NISCH: variants seen among roughly 807,000 people sequenced by gnomAD.
NISCH encodes the protein I-1 receptor candidate protein.
NISCH carries 55 observed loss-of-function variants against 138.4 expected under a neutral mutation model. That is an observed-to-expected ratio of 0.40 (90% CI 0.32 to 0.50). NISCH has a LOEUF of 0.50. Among genes scored for constraint, NISCH ranks in the 20% least tolerant of loss-of-function variants. The probability of loss-of-function intolerance (pLI) is 0.71; values close to 1 mark genes in which losing one functional copy is unlikely to be tolerated. For synonymous variants in NISCH, 860 were observed against 861.5 expected (o/e 1.00, Z 0.03); for missense variants, 1,643 against 2,005.5 (o/e 0.82, Z 3.45).
chr3:52,484,462 T>TTGGGGGCCCCCC, intron 13 of NISCH, 51 bp from the exon 14 acceptor site: 5 of 788,670 alleles, frequency 6.3e-6, no homozygotes, highest in Non-Finnish European at 7.3e-6. Context: ...ACAGCCGCTC[T>TTGGGGGCCCCCC]CCCCGCCCCA....
At position 52,473,585 on chromosome 3, in the gene NISCH, A is replaced by G. The variant is rs191032323; in HGVS notation, c.670-149A>G. ...GGTCGGCACTGACACTGGGAAAAAG[A>G]GACACTTTGGTCTTGAGTGGCCTCC... On this transcript the variant is annotated intron_variant, in intron 6 of 20. Coordinates refer to ENST00000345716, the MANE Select transcript of NISCH (RefSeq NM_007184.4). 3 of 530,620 alleles carry G rather than the reference A, an allele frequency of 5.7e-6. No individual in the cohort carries two copies. In the African/African-American group the frequency reaches 5.7e-5, roughly 10 times the overall value. The allele number at this position is 530,620 out of a possible 1,614,324, so 32.9% of individuals were successfully genotyped here.
rs146180879 is a variant in NISCH, at chr3:52,490,156, G to C, written c.3538G>C (p.Val1180Leu). 2 of 1,613,578 alleles carry C rather than the reference G, an allele frequency of 1.2e-6. No homozygotes were observed. Among genetic ancestry groups the C allele is most frequent in the African/African-American group, 2.7e-5 (2 of 75,058 alleles). ...QTPGLEVTAC[V>L]LLSTKAVYFV... ...CCCAGGGCTGGAGGTGACTGCCTGC[G>C]TGCTGCTCTCCACCAAGGCTGTGTA... The change falls in exon 18 of 21, where the codon GTG becomes CTG. Residue 1180 changes from valine to leucine, a missense_variant. Coordinates refer to ENST00000345716, the MANE Select transcript of NISCH (RefSeq NM_007184.4).
Position 52,491,371 on chromosome 3 carries a change from G to A in NISCH, c.3762G>A (p.Val1254=), listed in dbSNP as rs928979391. The A allele has an allele frequency of 1.4e-5, 22 of 1,612,568 alleles. No homozygotes were observed. The highest frequency in any genetic ancestry group is 1.9e-5 in the Non-Finnish European group (22 of 1,179,600). ...GTGCAGGTTCCACCCCGATGCAGGT[G>A]GTCACGTGCTTGACGCGGGACAGCT... ...FRLTGSTPMQ[V]VTCLTRDSYL... The change falls in exon 20 of 21, where the codon GTG becomes GTA. Residue 1254 remains valine, a synonymous_variant. Transcript: ENST00000345716.
Position 52,479,851 on chromosome 3 carries a change from C to G in NISCH, c.1405C>G (p.Pro469Ala), listed in dbSNP as rs1707216177. 2.5e-6 allele frequency: 4 copies of G among 1,612,620 alleles called. No individual in the cohort carries two copies. The highest frequency in any genetic ancestry group is 3.4e-6 in the Non-Finnish European group (4 of 1,179,228). The change falls in exon 12 of 21, where the codon CCA becomes GCA. Residue 469 changes from proline (P) to alanine (A), a missense_variant. Physicochemically the swap from Pro to Ala is conservative, Grantham distance 27 (BLOSUM62 -1). Transcript: ENST00000345716. ...GGAGGTCAAGTCCAAACTGAGCAACCCAGAGAAGAAGGTGGGTTTGTGTGG... is the reference window on the plus strand; with the variant it reads ...GGAGGTCAAGTCCAAACTGAGCAACGCAGAGAAGAAGGTGGGTTTGTGTGG... ...AKEVKSKLSNPEKKGGEDSRL... is the reference protein window; with the variant it reads ...AKEVKSKLSNAEKKGGEDSRL...
chr3:52,476,776 G>A (rs1299493097), intron 8 of NISCH, among the ~76,000 whole-genome samples, 177 bp downstream of exon 8: 4 of 152,220 alleles, frequency 2.6e-5, no homozygotes, highest in African/African-American at 9.6e-5. Flanking sequence ...GGTCACACCT[G>A]TAATCCCAGC....
chr3:52,490,145 T>C lies in NISCH; in HGVS notation c.3527T>C (p.Val1176Ala). The stretch of plus-strand genomic sequence containing the variant: ...TTCTACCAGACCCCAGGGCTGGAGG[T>C]GACTGCCTGCGTGCTGCTCTCCACC... ...VVFYQTPGLEVTACVLLSTKA... is the reference protein window; with the variant it reads ...VVFYQTPGLEATACVLLSTKA... Residue 1176 changes from valine to alanine, a missense_variant, in exon 18 of 21, where the codon GTG (valine) becomes GCG (alanine). Transcript: ENST00000345716. 1 of 1,613,498 alleles carries C rather than the reference T, an allele frequency of 6.2e-7. No homozygotes were observed. Among genetic ancestry groups the C allele is most frequent in the South Asian group, 1.1e-5 (1 of 91,072 alleles).
chr3:52,461,281 A>C (rs1262193465), intron 3 of NISCH, among the ~76,000 whole-genome samples: 1 of 152,196 alleles, frequency 6.6e-6, no homozygotes, highest in African/African-American at 2.4e-5. Context: ...AACTCTTTTC[A>C]GAGTAAGACA....
chr3:52,482,685 A>G (rs1707307441), intron 13 of NISCH, among the ~76,000 whole-genome samples: 1 of 152,158 alleles, frequency 6.6e-6, no homozygotes, highest in South Asian at 2.1e-4. Context: ...GGTATTCGAG[A>G]TGGAGTCGTG....
chr3:52,474,899 G>T (rs1029629231), intron 7 of NISCH, among the ~76,000 whole-genome samples: 26 of 152,332 alleles, frequency 1.7e-4, no homozygotes, highest in Middle Eastern at 3.4e-3. Flanking sequence ...TGAGGTTGTG[G>T]AAATGCTAGG....
chr3:52,485,269 A>G (rs1238816168), intron 14 of NISCH, among the ~76,000 whole-genome samples: 2 of 152,216 alleles, frequency 1.3e-5, no homozygotes, highest in African/African-American at 4.8e-5. Flanking sequence ...GCCTTGTGAC[A>G]CTGGGACAGT....
Position 52,478,510 on chromosome 3 carries a change from A to G in NISCH, c.1235A>G (p.Asn412Ser), listed in dbSNP as rs1265184057. 1.2e-6 allele frequency: 2 copies of G among 1,613,930 alleles called. No homozygotes were observed. Among genetic ancestry groups the G allele is most frequent in the Non-Finnish European group, 1.7e-6 (2 of 1,179,998 alleles). Residue 412 changes from asparagine to serine, a missense_variant, in exon 11 of 21, where the codon AAC (asparagine) becomes AGC (serine). Coordinates refer to ENST00000345716, the MANE Select transcript of NISCH (RefSeq NM_007184.4). ...PCLEHVSLLN[N>S]PLSIIPDYRT... Reference sequence around the variant, plus strand: ...CTGGAGCACGTGTCTCTGCTGAACAACCCTCTGAGCATCATCCCCGACTAC... The same window carrying G: ...CTGGAGCACGTGTCTCTGCTGAACAGCCCTCTGAGCATCATCCCCGACTAC...
In NISCH at chr3:52,455,653, G is replaced by A. The variant is rs1706440972; in HGVS notation, c.12G>A (p.Ala4=). Residue 4 remains alanine, a synonymous_variant, in exon 1 of 21, where the codon GCG becomes GCA. Coordinates refer to ENST00000345716, the MANE Select transcript of NISCH (RefSeq NM_007184.4). MAT[A]RTFGPEREAE... ...GCGGAGACCCGAACATGGCGACCGC[G>A]CGCACCTTCGGGCCCGAGCGGGAAG... 7.4e-7 allele frequency: 1 copy of A among 1,344,770 alleles called. No homozygotes were observed. Among genetic ancestry groups the A allele is most frequent in the Non-Finnish European group, 9.6e-7 (1 of 1,039,690 alleles). The allele number at this position is 1,344,770 out of a possible 1,614,324, so 83.3% of individuals were successfully genotyped here.
At position 52,455,711 on chromosome 3, in the gene NISCH, T is replaced by C; in HGVS notation, c.70T>C (p.Ser24Pro). The change falls in exon 1 of 21, where the codon TCG becomes CCG. Residue 24 changes from serine (S) to proline (P), a missense_variant. By Grantham distance (74) the Ser-to-Pro change is moderately conservative. Transcript: ENST00000345716. ...EPAKEARVVG[S>P]ELVDTYTVYI... ...GGCCAAGGAAGCGCGCGTCGTGGGC[T>C]CGGAGCTTGTGGACACTTATACGGT... The C allele has an allele frequency of 7.3e-7, 1 of 1,367,168 alleles. No individual in the cohort carries two copies. The highest frequency in any genetic ancestry group is 2.0e-5 in the South Asian group (1 of 49,286). The allele number at this position is 1,367,168 out of a possible 1,614,324, so 84.7% of individuals were successfully genotyped here. A position where few individuals can be genotyped will look rare whatever the true frequency, so the allele number is the denominator to read the frequency against.
chr3:52,460,894 C>T lies in NISCH; in HGVS notation c.360+2050C>T, dbSNP rs114662992. Among the ~76,000 whole-genome samples, 861 of 152,270 alleles carry T rather than the reference C, an allele frequency of 5.7e-3. 10 individuals carry two copies. The highest frequency in any genetic ancestry group is 0.02 in the African/African-American group (826 of 41,542). ...AGAATCCACTCCCTTTTCAGGCTCACCTTGAAGTAACCTGTGGATTATGGT... is the reference window on the plus strand; with the variant it reads ...AGAATCCACTCCCTTTTCAGGCTCATCTTGAAGTAACCTGTGGATTATGGT... On this transcript the variant is annotated intron_variant, in intron 3 of 20. Transcript: ENST00000345716.
At chr3:52,486,066 G>A (rs1447219091) in intron 15 of NISCH, among the ~76,000 whole-genome samples, 1 of 152,194 alleles carries the variant, frequency 6.6e-6, no homozygotes, top group East Asian at 1.9e-4. Context: ...GCAAATCAAG[G>A]CCTGTGTGTG....
rs142485648 is a variant in NISCH, at chr3:52,487,849, A to G, written c.2357A>G (p.His786Arg). The change falls in exon 16 of 21, where the codon CAC becomes CGC. Residue 786 changes from histidine to arginine, a missense_variant. Transcript: ENST00000345716. This position sits in a 1 kb window ranked among gnomAD's most constrained non-coding sequence, Gnocchi z 9.1. ...CTGTGTCTGGTGCTCAAGGTACGGC[A>G]CAGTGAGAACACGCTCTTCATTATC... Reference protein sequence around the residue: ...PELCLVLKVRHSENTLFIISD... With the variant: ...PELCLVLKVRRSENTLFIISD... 1.7e-3 allele frequency: 2,687 copies of G among 1,612,082 alleles called. 11 individuals carry two copies. The highest frequency in any genetic ancestry group is 1.3e-3 in the Non-Finnish European group (1,509 of 1,179,686).
chr3:52,472,774 C>T (rs1706989326), intron 6 of NISCH, among the ~76,000 whole-genome samples: 1 of 152,218 alleles, frequency 6.6e-6, no homozygotes, highest in South Asian at 2.1e-4. Flanking sequence ...GGCCGATTGG[C>T]AAAGAGCTTT....
chr3:52,460,937 A>G (rs572054747), intron 3 of NISCH, among the ~76,000 whole-genome samples: 1 of 152,296 alleles, frequency 6.6e-6, no homozygotes, highest in African/African-American at 2.4e-5. Context: ...GCCCAGCTGT[A>G]TTTAAAATAC....
At chr3:52,483,922 C>T (rs1426352494) in intron 13 of NISCH, among the ~76,000 whole-genome samples, 1 of 152,266 alleles carries the variant, frequency 6.6e-6, no homozygotes, top group Non-Finnish European at 1.5e-5. Flanking sequence ...CAGGGCCAGG[C>T]CACACAGTCA....
Sources: gnomAD v4.1 joint callset for allele counts (sites outside exome capture counted in the v4.1 genomes callset) on GRCh38, gnomAD v4.1.1 for gene constraint, Gnocchi (gnomAD v3.1) non-coding constraint, MANE v1.5 for transcripts, NCBI Gene and HGNC (gene_info 2026-07-23, HGNC 2026-07-21) for gene names.